The following TAMM41 variants were observed in gnomAD, a reference collection of about 807,000 sequenced individuals.
TAMM41 encodes phosphatidate cytidylyltransferase, mitochondrial.
TAMM41 carries 36 observed loss-of-function variants against 44.1 expected under a neutral mutation model. The ratio of observed to expected loss-of-function variants is 0.82; its 90% CI spans 0.63 to 1.08. The LOEUF is 1.08. Ranked by LOEUF, TAMM41 falls within the 50% of genes least tolerant of loss-of-function variation. The probability of loss-of-function intolerance (pLI) is 0.00; values close to 1 mark genes in which losing one functional copy is unlikely to be tolerated. For missense variants in TAMM41, 417 were observed against 404.3 expected, an observed-to-expected ratio of 1.03 and a Z score of -0.27; for synonymous variants, 164 against 153.1, an observed-to-expected ratio of 1.07 and a Z score of -0.53.
intron 7 of TAMM41, among the ~76,000 whole-genome samples, chr3:11,805,865 C>A (rs112072349): frequency 3.7e-4 from 57 of 152,292 alleles, no homozygotes; most frequent in African/African-American, 1.3e-3. Flanking sequence ...CTCTGTGTTC[C>A]CACCCAAATC....
At chr3:11,815,662 T>C (rs1403668209) in intron 5 of TAMM41, among the ~76,000 whole-genome samples, 2 of 152,114 alleles carry the variant, frequency 1.3e-5, no homozygotes, top group African/African-American at 4.8e-5. Flanking sequence ...GAAGAGAATG[T>C]GTGTGCTAAG....
At chr3:11,804,088 G>C (rs1452302614) in intron 7 of TAMM41, among the ~76,000 whole-genome samples, 3 of 152,120 alleles carry the variant, frequency 2.0e-5, no homozygotes, top group Non-Finnish European at 4.4e-5. Flanking sequence ...AGAAAAAAAA[G>C]TGAAGGGGAA....
At chr3:11,824,649 G>A (rs1559303740) in intron 4 of TAMM41, among the ~76,000 whole-genome samples, 2 of 152,072 alleles carry the variant, frequency 1.3e-5, no homozygotes. Context: ...GAGGACTCAG[G>A]TTCACTATAT....
intron 7 of TAMM41, among the ~76,000 whole-genome samples, chr3:11,797,798 GA>G (rs1309179699): frequency 6.6e-6 from 1 of 151,222 alleles, no homozygotes; most frequent in Non-Finnish European, 1.5e-5. Context: ...AAATTTACAA[GA>G]AAAAAAACAA....
At chr3:11,775,965 T>C in the TAMM41 span, among the ~76,000 whole-genome samples, 1 of 152,106 alleles carries the variant, frequency 6.6e-6, no homozygotes, top group Non-Finnish European at 1.5e-5. Flanking sequence ...AATGTTTTTC[T>C]TTTGGTTGGT....
intron 5 of TAMM41, among the ~76,000 whole-genome samples, chr3:11,813,117 G>T (rs2078142557): frequency 6.6e-6 from 1 of 152,110 alleles, no homozygotes; most frequent in African/African-American, 2.4e-5. Flanking sequence ...CTTTTCCCTT[G>T]TTCAGTTTCT....
At chr3:11,724,818 C>G in the TAMM41 span, 1 of 152,222 alleles carries the variant, frequency 6.6e-6, no homozygotes, top group African/African-American at 2.4e-5. Context: ...GTGTTGTGCT[C>G]TCACCCATCG....
chr3:11,754,077 A>G, the TAMM41 span, among the ~76,000 whole-genome samples: 1 of 151,782 alleles, frequency 6.6e-6, no homozygotes, highest in Non-Finnish European at 1.5e-5. Context: ...CTCTCATTCT[A>G]CCTGCAGGAA....
At chr3:11,764,095 C>T in the TAMM41 span, among the ~76,000 whole-genome samples, 3,920 of 152,072 alleles carry the variant, frequency 0.026, 167 homozygotes, top group African/African-American at 0.088. Context: ...GCTCTACCTC[C>T]CAGGCTCAAG....
intron 3 of TAMM41, among the ~76,000 whole-genome samples, chr3:11,834,698 A>G (rs1334244078): frequency 1.3e-5 from 2 of 152,130 alleles, no homozygotes; most frequent in South Asian, 2.1e-4. Flanking sequence ...TCAAATATAT[A>G]TATTTGGAGA....
At chr3:11,749,210 G>T in the TAMM41 span, among the ~76,000 whole-genome samples, 1 of 152,308 alleles carries the variant, frequency 6.6e-6, no homozygotes, top group South Asian at 2.1e-4. Flanking sequence ...ACTGCGCCCT[G>T]CTAGAAATGG....
At chr3:11,836,620 C>A (rs148231272) in intron 3 of TAMM41, among the ~76,000 whole-genome samples, 62 of 152,178 alleles carry the variant, frequency 4.1e-4, no homozygotes, top group Admixed American at 1.7e-3. Flanking sequence ...TGTGCCACCA[C>A]GCCTGGCTAA....
intron 5 of TAMM41, among the ~76,000 whole-genome samples, chr3:11,816,697 G>C (rs1033533409): frequency 9.9e-5 from 15 of 152,054 alleles, no homozygotes; most frequent in African/African-American, 3.4e-4. Context: ...TCCCAGGCTG[G>C]GGGGTGTTGA....
chr3:11,726,804 AAAAAAAAAAAAAAAG>A, the TAMM41 span, among the ~76,000 whole-genome samples: 1 of 106,378 alleles, frequency 9.4e-6, no homozygotes. Flanking sequence ...CTGTCTCAAA[AAAAAAAAAAAAAAAG>A]AAAAAAGAAA....
the TAMM41 span, among the ~76,000 whole-genome samples, chr3:11,759,280 C>T: frequency 6.6e-6 from 1 of 151,816 alleles, no homozygotes; most frequent in African/African-American, 2.4e-5. Flanking sequence ...AAGAGCTTAG[C>T]GGGTGATCAA....
At chr3:11,800,605 C>T (rs1280824773) in intron 7 of TAMM41, among the ~76,000 whole-genome samples, 1 of 147,882 alleles carries the variant, frequency 6.8e-6, no homozygotes, top group Non-Finnish European at 1.5e-5. Context: ...ATCAGTTCAC[C>T]AAAAGGGTAC....
At chr3:11,733,642 G>A in the TAMM41 span, among the ~76,000 whole-genome samples, 12 of 151,942 alleles carry the variant, frequency 7.9e-5, no homozygotes, top group African/African-American at 1.7e-4. Context: ...ACAGGTGCCC[G>A]CCACCACACC....
At chr3:11,764,821 A>C in the TAMM41 span, among the ~76,000 whole-genome samples, 1 of 152,160 alleles carries the variant, frequency 6.6e-6, no homozygotes, top group Non-Finnish European at 1.5e-5. Flanking sequence ...AAAGACAGCT[A>C]GGTAAATGTA....
chr3:11,790,657 A>G lies in TAMM41; in HGVS notation c.938-76T>C, dbSNP rs904518863. On this transcript the variant is annotated intron_variant, in intron 7 of 7. Transcript: ENST00000455809. ...TGCTCAGAGTTTCAGTGACATTCTG[A>G]GCAGACTTGTCTTTGGAGGAGGGCA... 3.7e-6 allele frequency: 5 copies of G among 1,335,066 alleles called. No individual in the cohort carries two copies. The South Asian group carries it at 5.9e-5, about 16-fold the overall frequency. The allele number at this position is 1,335,066 out of a possible 1,614,324, so 82.7% of individuals were successfully genotyped here. A position where few individuals can be genotyped will look rare whatever the true frequency, so the allele number is the denominator to read the frequency against.
Sources: gnomAD v4.1 joint callset for allele counts (sites outside exome capture counted in the v4.1 genomes callset) on GRCh38, gnomAD v4.1.1 for gene constraint, MANE v1.5 for transcripts, NCBI Gene and HGNC (gene_info 2026-07-23, HGNC 2026-07-21) for gene names.